ZNF532: variants seen among roughly 807,000 people sequenced by gnomAD.
ZNF532 encodes zinc finger protein 532.
In ZNF532, 22 loss-of-function variants were observed where a neutral mutation model predicts 89.3. That is an observed-to-expected ratio of 0.25 (90% CI 0.18 to 0.35). The LOEUF (loss-of-function observed/expected upper bound fraction) is 0.35, where lower values mean the gene tolerates loss of function less well. ZNF532 is among the 10% of genes least tolerant of loss of function. The probability of loss-of-function intolerance (pLI) is 1.00; values close to 1 mark genes in which losing one functional copy is unlikely to be tolerated. For missense variants in ZNF532, 1,132 were observed against 1,643.4 expected, an observed-to-expected ratio of 0.69 and a Z score of 5.38; for synonymous variants, 606 against 649.6, an observed-to-expected ratio of 0.93 and a Z score of 1.02.
intron 7 of ZNF532, among the ~76,000 whole-genome samples, chr18:58,966,246 T>A (rs1247500544): frequency 6.6e-6 from 1 of 152,070 alleles, no homozygotes; most frequent in Non-Finnish European, 1.5e-5. Context: ...AACAGGAAGA[T>A]GAGATTGGAG....
At chr18:58,932,724 G>T (rs2062061137) in intron 3 of ZNF532, among the ~76,000 whole-genome samples, 1 of 152,106 alleles carries the variant, frequency 6.6e-6, no homozygotes, top group Non-Finnish European at 1.5e-5. Flanking sequence ...TAGGTTATGA[G>T]AATTAAATGA....
At chr18:58,959,213 T>TG (rs1272820810) in intron 7 of ZNF532, among the ~76,000 whole-genome samples, 2 of 151,154 alleles carry the variant, frequency 1.3e-5, no homozygotes, top group Non-Finnish European at 1.5e-5. Context: ...TACGGAACTC[T>TG]GGTGCCATCA....
chr18:58,955,283 G>A (rs1287435720), intron 7 of ZNF532, among the ~76,000 whole-genome samples: 2 of 152,146 alleles, frequency 1.3e-5, no homozygotes, highest in Non-Finnish European at 2.9e-5. Context: ...AAAAGAATAT[G>A]TCATAGGTGC....
In ZNF532 at chr18:58,957,910, C is replaced by G. The variant is rs553425075; in HGVS notation, c.3150+4111C>G. Among the ~76,000 whole-genome samples the G allele has an allele frequency of 2.6e-5, 4 of 152,084 alleles. No individual in the cohort carries two copies. In the East Asian group the frequency reaches 7.7e-4, roughly 29 times the overall value. On this transcript the variant is annotated intron_variant, in intron 7 of 9. Transcript: ENST00000591808. ...CGAAACCCCATCTCTACTAAAAGTA[C>G]AAAAATGAGCTGGGCATAGTGGCAG... is the stretch of plus-strand genomic sequence containing the variant.
intron 7 of ZNF532, among the ~76,000 whole-genome samples, chr18:58,962,242 A>G (rs951843729): frequency 1.1e-4 from 16 of 151,452 alleles, no homozygotes; most frequent in African/African-American, 3.6e-4. Context: ...AAAAAAATGG[A>G]TTCTAGGGCC....
chr18:58,921,068 A>G (rs899434206), intron 3 of ZNF532, among the ~76,000 whole-genome samples: 1 of 151,812 alleles, frequency 6.6e-6, no homozygotes, highest in Non-Finnish European at 1.5e-5. Context: ...GTAGCCTAGC[A>G]TTGGGGCGAG....
At chr18:58,968,862 G>T (rs1194019105) in intron 7 of ZNF532, among the ~76,000 whole-genome samples, 1 of 152,204 alleles carries the variant, frequency 6.6e-6, no homozygotes, top group Non-Finnish European at 1.5e-5. Context: ...TTAGGAAAAT[G>T]TGTTCCTCAA....
At chr18:58,887,431 C>T (rs148872575) in intron 2 of ZNF532, among the ~76,000 whole-genome samples, 67 of 152,306 alleles carry the variant, frequency 4.4e-4, no homozygotes, top group Non-Finnish European at 2.4e-4. Flanking sequence ...CAAGTCAGCA[C>T]AATTCTGTTT....
In ZNF532 at chr18:58,965,387, C is replaced by T. The variant is rs191946451; in HGVS notation, c.3150+11588C>T. On this transcript the variant is annotated intron_variant, in intron 7 of 9. Coordinates refer to ENST00000591808, the MANE Select transcript of ZNF532 (RefSeq NM_001375912.1). ...ATGAAGCCTGAGAAAGGTTCAATAA[C>T]TTACCCCAGGGTTTTGCAGCCTGCC... Among the ~76,000 whole-genome samples the T allele has an allele frequency of 3.4e-3, 518 of 152,364 alleles. 2 individuals are homozygous for T. Among genetic ancestry groups the T allele is most frequent in the Non-Finnish European group, 5.7e-3 (385 of 68,044 alleles).
intron 3 of ZNF532, among the ~76,000 whole-genome samples, chr18:58,930,979 G>A (rs1603208718): frequency 1.3e-5 from 2 of 152,084 alleles, no homozygotes; most frequent in Admixed American, 6.6e-5. Context: ...TGGAATGTGG[G>A]TACTTTTCGG....
At position 58,865,461 on chromosome 18, in the gene ZNF532, T is replaced by C. The variant is rs1470815889; in HGVS notation, c.-127-9T>C. The C allele has an allele frequency of 6.5e-6, 1 of 152,946 alleles. No individual in the cohort carries two copies. Among genetic ancestry groups the C allele is most frequent in the Non-Finnish European group, 1.5e-5 (1 of 68,098 alleles). The allele number at this position is 152,946 out of a possible 1,614,324, so 9.5% of individuals were successfully genotyped here. A position where few individuals can be genotyped will look rare whatever the true frequency, so the allele number is the denominator to read the frequency against. On this transcript the variant is annotated splice_polypyrimidine_tract_variant and intron_variant, in intron 1 of 9. Transcript: ENST00000591808. ...TTAGCCATACATGCTGTCTTTTTTT[T>C]CCTTGTAGGCCTGTTGACTGGGGCT...
intron 2 of ZNF532, among the ~76,000 whole-genome samples, chr18:58,866,983 C>T (rs536278327): frequency 6.6e-6 from 1 of 152,366 alleles, no homozygotes; most frequent in East Asian, 1.9e-4. Flanking sequence ...GCCAGAGGTT[C>T]TGTGTATGAG....
chr18:58,865,843 G>GT (rs1258168189), intron 2 of ZNF532, among the ~76,000 whole-genome samples: 1 of 152,202 alleles, frequency 6.6e-6, no homozygotes, highest in Non-Finnish European at 1.5e-5. Flanking sequence ...GTGGAGAATG[G>GT]TAGGCGTCAG....
In ZNF532 at chr18:58,953,890, A is replaced by G. The variant is rs963332309; in HGVS notation, c.3150+91A>G. 6.0e-6 allele frequency: 9 copies of G among 1,506,898 alleles called. 1 individual carries two copies. The highest frequency in any genetic ancestry group is 7.1e-6 in the Non-Finnish European group (8 of 1,130,612). The allele number at this position is 1,506,898 out of a possible 1,614,324, so 93.3% of individuals were successfully genotyped here. On this transcript the variant is annotated intron_variant, in intron 7 of 9. Transcript: ENST00000591808. ...AGATGTGGGCTCTTGGCTTGGCTCT[A>G]TCAGTAATTAGTGCTGTGACCTTAA...
At position 58,919,568 on chromosome 18, in the gene ZNF532, G is replaced by T. The variant is rs763314246; in HGVS notation, c.1281G>T (p.Ala427=). 1 of 1,614,118 alleles carries T rather than the reference G, an allele frequency of 6.2e-7. No individual in the cohort carries two copies. Among genetic ancestry groups the T allele is most frequent in the Admixed American group, 1.7e-5 (1 of 60,018 alleles). ...CCCCCAGGGCGCCTCTCCAGTCTGC[G>T]GTCGTGACCAATGCAGTTTCCCCTG... ...SSPPRAPLQS[A]VVTNAVSPAE... Residue 427 remains alanine (A), a synonymous_variant, in exon 3 of 10, where the codon GCG becomes GCT. Coordinates refer to ENST00000591808, the MANE Select transcript of ZNF532 (RefSeq NM_001375912.1). This position sits in a 1 kb window ranked among gnomAD's most constrained non-coding sequence, Gnocchi z 6.1.
chr18:58,871,260 G>C (rs1244112469), intron 2 of ZNF532, among the ~76,000 whole-genome samples: 1 of 152,056 alleles, frequency 6.6e-6, no homozygotes, highest in Non-Finnish European at 1.5e-5. Flanking sequence ...CTTAGAGGTG[G>C]GGTCCTGCTA....
chr18:58,910,665 G>T (rs1395713629), intron 2 of ZNF532, among the ~76,000 whole-genome samples: 3 of 151,712 alleles, frequency 2.0e-5, no homozygotes, highest in African/African-American at 7.3e-5. Flanking sequence ...GAGAGAGAGG[G>T]GGTTTCATCA....
In ZNF532 at chr18:58,882,988, C is replaced by T. The variant is rs2058041144; in HGVS notation, c.-18+17409C>T. Reference sequence around the variant, plus strand: ...AAATTCCTAGACTGTAGAACCCCTTCTTCCCCTTTCTTGGGTGGAAAGTTT... The same window carrying T: ...AAATTCCTAGACTGTAGAACCCCTTTTTCCCCTTTCTTGGGTGGAAAGTTT... On this transcript the variant is annotated intron_variant, in intron 2 of 9. Coordinates refer to ENST00000591808, the MANE Select transcript of ZNF532 (RefSeq NM_001375912.1). 2.0e-5 allele frequency among the ~76,000 whole-genome samples: 3 copies of T among 152,174 alleles called. No homozygotes were observed. In the South Asian group the frequency reaches 6.2e-4, roughly 31 times the overall value.
Position 58,984,788 on chromosome 18 carries a change from T to A in ZNF532, c.*322T>A, listed in dbSNP as rs1417425804. 2.7e-5 allele frequency: 5 copies of A among 187,838 alleles called. No homozygotes were observed. The highest frequency in any genetic ancestry group is 4.5e-5 in the Non-Finnish European group (4 of 89,342). The allele number at this position is 187,838 out of a possible 1,614,324, so 11.6% of individuals were successfully genotyped here. On this transcript the variant is annotated 3_prime_UTR_variant, in exon 10 of 10. Coordinates refer to ENST00000591808, the MANE Select transcript of ZNF532 (RefSeq NM_001375912.1). ...TTTGTACTGTTTCTTTAAAACAGAG[T>A]TCTTAGTAACAGGGGCAGTTCCTGA...
Sources: gnomAD v4.1 joint callset for allele counts (sites outside exome capture counted in the v4.1 genomes callset) on GRCh38, gnomAD v4.1.1 for gene constraint, Gnocchi (gnomAD v3.1) non-coding constraint, MANE v1.5 for transcripts, NCBI Gene and HGNC (gene_info 2026-07-23, HGNC 2026-07-21) for gene names.